Variants in LIN7A observed in about 807,000 individuals in gnomAD.
The protein encoded by LIN7A is protein lin-7 homolog A.
A neutral mutation model predicts 29.8 loss-of-function variants in LIN7A; 25 were observed. That is an observed-to-expected ratio of 0.84 (90% CI 0.61 to 1.17). The LOEUF (loss-of-function observed/expected upper bound fraction) is 1.17, where lower values mean the gene tolerates loss of function less well. LIN7A is among the 50% of genes most tolerant of loss of function. LIN7A has a pLI of 0.00. For synonymous variants in LIN7A, 118 were observed against 107.5 expected (o/e 1.10, Z -0.60); for missense variants, 239 against 287.0 (o/e 0.83, Z 1.21).
At chr12:80,928,165 C>T (rs2120931785) in intron 1 of LIN7A, among the ~76,000 whole-genome samples, 1 of 152,322 alleles carries the variant, frequency 6.6e-6, no homozygotes, top group South Asian at 2.1e-4. Context: ...CTGCAATAAA[C>T]ATACATGTGC....
intron 4 of LIN7A, among the ~76,000 whole-genome samples, chr12:80,823,014 G>C (rs955685638): frequency 1.3e-5 from 2 of 152,176 alleles, no homozygotes; most frequent in African/African-American, 2.4e-5. Flanking sequence ...ACAAACCCCA[G>C]ATTCAGCCAG....
chr12:80,877,979 A>T (rs1309165840), intron 2 of LIN7A, among the ~76,000 whole-genome samples: 1 of 152,232 alleles, frequency 6.6e-6, no homozygotes. Context: ...CTGATACAAA[A>T]TACAACTTCT....
At chr12:80,823,423 G>A (rs918500417) in intron 4 of LIN7A, among the ~76,000 whole-genome samples, 5 of 152,204 alleles carry the variant, frequency 3.3e-5, no homozygotes, top group African/African-American at 1.2e-4. Context: ...GCTGTTTGTG[G>A]TACACCTGGT....
At chr12:80,899,881 C>CTGAG (rs1410681160) in intron 1 of LIN7A, among the ~76,000 whole-genome samples, 7 of 148,072 alleles carry the variant, frequency 4.7e-5, no homozygotes. Context: ...CATTCTCCTG[C>CTGAG]CTCAGCCTCC....
chr12:80,862,201 A>G (rs1239151001), intron 2 of LIN7A, among the ~76,000 whole-genome samples: 1 of 152,228 alleles, frequency 6.6e-6, no homozygotes, highest in Admixed American at 6.5e-5. Context: ...TAATCTGTAA[A>G]GCCTGCAAAA....
intron 5 of LIN7A, among the ~76,000 whole-genome samples, chr12:80,801,771 A>T (rs1565881645): frequency 6.6e-6 from 1 of 152,154 alleles, no homozygotes; most frequent in Non-Finnish European, 1.5e-5. Context: ...AGATCACTAA[A>T]GCTTATTCCT....
chr12:80,921,552 G>A lies in LIN7A; in HGVS notation c.82+16089C>T, dbSNP rs1431474132. On this transcript the variant is annotated intron_variant, in intron 1 of 5. Transcript: ENST00000552864. ...AGGGAGATCAAGTGAGCACAAAGGCGTTGGGGAGGGTGGGAGGGAGCATGC... is the reference window on the plus strand; with the variant it reads ...AGGGAGATCAAGTGAGCACAAAGGCATTGGGGAGGGTGGGAGGGAGCATGC... Among the ~76,000 whole-genome samples the A allele has an allele frequency of 5.1e-5, 7 of 136,770 alleles. No individual in the cohort carries two copies. The East Asian group carries it at 1.5e-3, about 29-fold the overall frequency. The allele number at this position is 136,770 out of a possible 152,430, so 89.7% of individuals were successfully genotyped here. A position where few individuals can be genotyped will look rare whatever the true frequency, so the allele number is the denominator to read the frequency against.
chr12:80,881,372 G>A (rs1875025927), intron 2 of LIN7A, among the ~76,000 whole-genome samples: 1 of 152,052 alleles, frequency 6.6e-6, no homozygotes, highest in South Asian at 2.1e-4. Flanking sequence ...AGTTTAATGT[G>A]AACAGAAAGA....
chr12:80,907,515 G>T (rs1425725565), intron 1 of LIN7A, among the ~76,000 whole-genome samples: 1 of 152,100 alleles, frequency 6.6e-6, no homozygotes, highest in East Asian at 1.9e-4. Flanking sequence ...TTTGAAATTT[G>T]TTTAATTTAT....
intron 1 of LIN7A, among the ~76,000 whole-genome samples, chr12:80,919,028 G>T (rs1429667770): frequency 2.0e-5 from 3 of 152,202 alleles, no homozygotes; most frequent in Non-Finnish European, 4.4e-5. Flanking sequence ...GCCTAGGTGT[G>T]TAATAGGCTA....
Position 80,796,448 on chromosome 12 carries a change from AT to A in LIN7A, c.*1278del, listed in dbSNP as rs1870452521. The stretch of plus-strand genomic sequence containing the variant: ...CCTGTAAATGTAGTTATAACAGATT[AT>A]TTTCCAGTGAATGATATTTTCTGAA... On this transcript the variant is annotated 3_prime_UTR_variant, in exon 6 of 6. Transcript: ENST00000552864. The A allele has an allele frequency of 6.6e-6, 1 of 152,110 alleles. No homozygotes were observed. Among genetic ancestry groups the A allele is most frequent in the African/African-American group, 2.4e-5 (1 of 41,440 alleles). 9.4% of individuals were successfully genotyped at this position (152,110 alleles called of 1,614,324 possible).
At chr12:80,860,038 C>A (rs1873785991) in intron 2 of LIN7A, among the ~76,000 whole-genome samples, 1 of 152,110 alleles carries the variant, frequency 6.6e-6, no homozygotes, top group Non-Finnish European at 1.5e-5. Context: ...TTTAATCAAT[C>A]CTCTGATGAG....
chr12:80,877,121 C>A (rs369115405), intron 2 of LIN7A, among the ~76,000 whole-genome samples: 492 of 106,374 alleles, frequency 4.6e-3, no homozygotes, highest in Non-Finnish European at 5.8e-3. Flanking sequence ...GACTCTGTCT[C>A]AAAAAAAAAA....
At chr12:80,877,581 A>G (rs1293668437) in intron 2 of LIN7A, among the ~76,000 whole-genome samples, 3 of 152,130 alleles carry the variant, frequency 2.0e-5, no homozygotes, top group Admixed American at 6.5e-5. Context: ...CCCTAAATCT[A>G]TATTTCCCTA....
At chr12:80,922,642 G>A (rs531265781) in intron 1 of LIN7A, among the ~76,000 whole-genome samples, 1 of 152,264 alleles carries the variant, frequency 6.6e-6, no homozygotes, top group South Asian at 2.1e-4. Context: ...CAATTTGACT[G>A]AATTAAAAGA....
intron 4 of LIN7A, among the ~76,000 whole-genome samples, chr12:80,823,402 C>A (rs187123402): frequency 1.5e-3 from 223 of 152,332 alleles, no homozygotes; most frequent in African/African-American, 5.0e-3. Context: ...TCCCTGGTGC[C>A]AGGCATGGAA....
chr12:80,868,222 T>G (rs1408331715), intron 2 of LIN7A, among the ~76,000 whole-genome samples: 1 of 152,230 alleles, frequency 6.6e-6, no homozygotes, highest in Non-Finnish European at 1.5e-5. Flanking sequence ...TCTTCCAGCA[T>G]GTCACTGTTT....
intron 2 of LIN7A, among the ~76,000 whole-genome samples, chr12:80,887,614 T>C (rs1056553092): frequency 4.6e-5 from 7 of 152,150 alleles, no homozygotes; most frequent in African/African-American, 1.7e-4. Context: ...TTAGCTTTTA[T>C]TGCTGATCAT....
At chr12:80,913,287 C>T (rs112312163) in intron 1 of LIN7A, among the ~76,000 whole-genome samples, 87 of 152,326 alleles carry the variant, frequency 5.7e-4, no homozygotes, top group African/African-American at 1.5e-3. Context: ...TTGCCTTTTA[C>T]GTAATCTCAG....
Sources: allele counts gnomAD v4.1 joint callset (sites outside exome capture counted in the v4.1 genomes callset), GRCh38; gene constraint gnomAD v4.1.1; transcripts MANE v1.5; gene names NCBI Gene and HGNC (gene_info 2026-07-23, HGNC 2026-07-21).